ABCA6: variants seen among roughly 807,000 people sequenced by gnomAD.
ABCA6 encodes ATP-binding cassette sub-family A member 6.
A neutral mutation model predicts 191.2 loss-of-function variants in ABCA6; 164 were observed. The ratio of observed to expected loss-of-function variants is 0.86; its 90% CI spans 0.76 to 0.98. The LOEUF (loss-of-function observed/expected upper bound fraction) is 0.98, where lower values mean the gene tolerates loss of function less well. Ranked by LOEUF, ABCA6 falls within the 50% of genes least tolerant of loss-of-function variation. The probability of loss-of-function intolerance (pLI) is 0.00; values close to 1 mark genes in which losing one functional copy is unlikely to be tolerated. For synonymous variants in ABCA6, 636 were observed against 647.7 expected (o/e 0.98, Z 0.27); for missense variants, 1,958 against 1,894.1 (o/e 1.03, Z -0.63).
At chr17:69,095,682 C>T (rs2073030181) in intron 25 of ABCA6, among the ~76,000 whole-genome samples, 1 of 152,166 alleles carries the variant, frequency 6.6e-6, no homozygotes, top group Admixed American at 6.5e-5. Flanking sequence ...GTTTTCCAGA[C>T]AGACATTCAA....
chr17:69,087,663 T>C (rs1408866216), intron 28 of ABCA6, 190 bp from the exon 29 acceptor site: 3 of 652,862 alleles, frequency 4.6e-6, no homozygotes, highest in South Asian at 1.9e-5. Flanking sequence ...CTTTTCTTAA[T>C]GTTGTTGCCA....
At chr17:69,139,222 T>C (rs2073992434) in intron 2 of ABCA6, among the ~76,000 whole-genome samples, 1 of 152,024 alleles carries the variant, frequency 6.6e-6, no homozygotes, top group Non-Finnish European at 1.5e-5. Context: ...ATATCCAGAA[T>C]CTACAATGAA....
chr17:69,111,049 T>G, intron 16 of ABCA6, 109 bp from the exon 17 acceptor site: 1 of 1,079,806 alleles, frequency 9.3e-7, no homozygotes. Flanking sequence ...CTTGGCTTTA[T>G]GGAACAAAAA....
chr17:69,100,872 A>G lies in ABCA6; in HGVS notation c.2937T>C (p.Asn979=). 1 of 1,611,674 alleles carries G rather than the reference A, an allele frequency of 6.2e-7. No individual in the cohort carries two copies. Among genetic ancestry groups the G allele is most frequent in the African/African-American group, 1.3e-5 (1 of 74,960 alleles). ...TTTGAAGTAGCCCATTGCTGATAAT[A>G]TTCATAAGAATTGGAAAACAGTGCA... is the stretch of plus-strand genomic sequence containing the variant. The part of the protein sequence containing the change: ...KRLHCFPILM[N]IISNGLLQMF... The change falls in exon 22 of 39, where the codon AAT becomes AAC. Residue 979 remains asparagine, a synonymous_variant. Transcript: ENST00000284425.
rs1315946256 is a variant in ABCA6, at chr17:69,128,799, A to G, written c.939T>C (p.Ala313=). 1 of 1,592,162 alleles carries G rather than the reference A, an allele frequency of 6.3e-7. No homozygotes were observed. The highest frequency in any genetic ancestry group is 8.6e-7 in the Non-Finnish European group (1 of 1,169,438). ...ACAGCACACTCATCAGGAACACCAA[A>G]GCTACCTGCAAGAGAGAGAAGACAT... ...LFFLYGLSLV[A]LVFLMSVLLK... The change falls in exon 8 of 39, where the codon GCT becomes GCC. Residue 313 remains alanine (A), a synonymous_variant. Coordinates refer to ENST00000284425, the MANE Select transcript of ABCA6 (RefSeq NM_080284.3).
rs2073687571 is a variant in ABCA6 at position 69,123,383 on chromosome 17, G to A, written c.1292C>T (p.Pro431Leu). The A allele has an allele frequency of 1.3e-6, 2 of 1,510,044 alleles. No individual in the cohort carries two copies. Among genetic ancestry groups the A allele is most frequent in the African/African-American group, 2.8e-5 (2 of 72,316 alleles). The allele number at this position is 1,510,044 out of a possible 1,614,324, so 93.5% of individuals were successfully genotyped here. The change falls in exon 10 of 39, where the codon CCT becomes CTT. Residue 431 changes from proline to leucine, a missense_variant. By Grantham distance (98) the Pro-to-Leu change is moderately conservative. Transcript: ENST00000284425. ...LPYGDERHYS[P>L]LFFLNSSSCF... Reference sequence around the variant, plus strand: ...AGATGATGAATTCAAGAAAAATAAAGGAGAATAATGGCGCTCATCTCCATC... The same window carrying A: ...AGATGATGAATTCAAGAAAAATAAAAGAGAATAATGGCGCTCATCTCCATC...
intron 6 of ABCA6, among the ~76,000 whole-genome samples, chr17:69,132,010 ACTT>A (rs1210393959): frequency 2.0e-5 from 3 of 151,838 alleles, no homozygotes; most frequent in South Asian, 2.1e-4. Flanking sequence ...CACTGCAAAA[ACTT>A]CTTCTCTCTT....
intron 34 of ABCA6, 92 bp downstream of exon 34, chr17:69,084,169 G>C: frequency 8.8e-7 from 1 of 1,132,838 alleles, no homozygotes; most frequent in Non-Finnish European, 1.3e-6. Context: ...TCAGGAACTA[G>C]TGGGTTTGAG....
At chr17:69,124,786 G>T in intron 9 of ABCA6, 102 bp downstream of exon 9, 1 of 627,548 alleles carries the variant, frequency 1.6e-6, no homozygotes, top group Non-Finnish European at 2.5e-6. Flanking sequence ...GTTTGAAATG[G>T]GAAATATTTA....
chr17:69,105,865 G>A (rs2073290070), intron 19 of ABCA6, 163 bp downstream of exon 19: 3 of 811,364 alleles, frequency 3.7e-6, no homozygotes, highest in African/African-American at 1.7e-5. Context: ...GCTTAATCGA[G>A]TGTGAACATA....
Position 69,096,616 on chromosome 17 carries a change from T to C in ABCA6, c.3294+12A>G. 1.3e-6 allele frequency: 2 copies of C among 1,497,136 alleles called. No homozygotes were observed. The highest frequency in any genetic ancestry group is 1.4e-5 in the South Asian group (1 of 69,314). The allele number at this position is 1,497,136 out of a possible 1,614,324, so 92.7% of individuals were successfully genotyped here. ...ACTTTATGAAATTTGGTTTATGTAC[T>C]GTGTTACTTACCAAAGCAAACACAA... On this transcript the variant is annotated intron_variant, in intron 24 of 38. Coordinates refer to ENST00000284425, the MANE Select transcript of ABCA6 (RefSeq NM_080284.3).
At chr17:69,127,233 G>C (rs1469720338) in intron 8 of ABCA6, among the ~76,000 whole-genome samples, 1 of 152,102 alleles carries the variant, frequency 6.6e-6, no homozygotes, top group Non-Finnish European at 1.5e-5. Context: ...ACTTGGTGTA[G>C]GCAATGATTC....
chr17:69,102,110 C>A (rs2073194550), intron 21 of ABCA6, among the ~76,000 whole-genome samples: 1 of 152,134 alleles, frequency 6.6e-6, no homozygotes, highest in Non-Finnish European at 1.5e-5. Context: ...TTTTGGGAGG[C>A]CAAGGCGGGA....
At chr17:69,136,045 T>A (rs1013953753) in intron 4 of ABCA6, 47 bp downstream of exon 4, 28 of 1,567,806 alleles carry the variant, frequency 1.8e-5, no homozygotes, top group Non-Finnish European at 2.3e-5. Context: ...GTTCTTTATG[T>A]TGAAAACATG....
At chr17:69,115,587 G>T in intron 11 of ABCA6, 101 bp from the exon 12 acceptor site, 2 of 710,818 alleles carry the variant, frequency 2.8e-6, no homozygotes, top group Non-Finnish European at 2.2e-6. Flanking sequence ...TAGTTTAGTG[G>T]CATATTTCTC....
intron 10 of ABCA6, among the ~76,000 whole-genome samples, chr17:69,122,165 C>CTTAA (rs1009417919): frequency 1.3e-5 from 2 of 152,030 alleles, no homozygotes; most frequent in African/African-American, 4.8e-5. Context: ...GGGTAAAAGG[C>CTTAA]TTAAGCTTTC....
chr17:69,138,974 A>G (rs1184636922), intron 2 of ABCA6, among the ~76,000 whole-genome samples: 1 of 152,176 alleles, frequency 6.6e-6, no homozygotes, highest in African/African-American at 2.4e-5. Flanking sequence ...TAAACGTTAG[A>G]CCTAAAACCA....
At chr17:69,124,370 G>C (rs1252284937) in intron 9 of ABCA6, among the ~76,000 whole-genome samples, 1 of 151,832 alleles carries the variant, frequency 6.6e-6, no homozygotes, top group Non-Finnish European at 1.5e-5. Flanking sequence ...AAAAAATTCT[G>C]GGCTTACGTG....
intron 31 of ABCA6, 24 bp from the exon 32 acceptor site, chr17:69,085,206 A>C: frequency 6.3e-7 from 1 of 1,586,562 alleles, no homozygotes; most frequent in Non-Finnish European, 8.6e-7. Flanking sequence ...AGAGCTTTAG[A>C]AAGGCATGCA....
Sources: gnomAD v4.1 joint callset for allele counts (sites outside exome capture counted in the v4.1 genomes callset) on GRCh38, gnomAD v4.1.1 for gene constraint, MANE v1.5 for transcripts, NCBI Gene and HGNC (gene_info 2026-07-23, HGNC 2026-07-21) for gene names.